FAM53B: variants seen among roughly 807,000 people sequenced by gnomAD.
FAM53B encodes the protein protein FAM53B.
FAM53B carries 12 observed loss-of-function variants against 32.7 expected under a neutral mutation model. That is an observed-to-expected ratio of 0.37 (90% confidence interval 0.24 to 0.59). The LOEUF (loss-of-function observed/expected upper bound fraction) is 0.59. FAM53B is among the 20% of genes least tolerant of loss of function. The pLI, the probability that FAM53B is intolerant of heterozygous loss-of-function variation, is 0.72. For synonymous variants in FAM53B, 234 were observed against 228.7 expected (o/e 1.02, Z -0.21); for missense variants, 477 against 577.7 (o/e 0.83, Z 1.79).
chr10:124,658,788 G>A (rs1949611693), intron 4 of FAM53B, among the ~76,000 whole-genome samples: 1 of 152,176 alleles, frequency 6.6e-6, no homozygotes, highest in Non-Finnish European at 1.5e-5. Flanking sequence ...CCAAGGCCAC[G>A]TTCCCTGCCT....
chr10:124,667,389 T>TG, intron 4 of FAM53B: 1 of 769,118 alleles, frequency 1.3e-6, no homozygotes, highest in Non-Finnish European at 2.4e-6. Context: ...GCCTGTAAAA[T>TG]GGATAACGAT....
intron 1 of FAM53B, among the ~76,000 whole-genome samples, chr10:124,709,611 T>G (rs1589759029): frequency 6.6e-6 from 1 of 152,184 alleles, no homozygotes; most frequent in Non-Finnish European, 1.5e-5. Context: ...CTTTGCACCG[T>G]AAGAGCCCAA....
chr10:124,666,527 C>T (rs1001566216), intron 4 of FAM53B, among the ~76,000 whole-genome samples: 2 of 152,110 alleles, frequency 1.3e-5, no homozygotes, highest in African/African-American at 4.8e-5. Flanking sequence ...TCATGAAATG[C>T]AGGACCACAA....
intron 1 of FAM53B, among the ~76,000 whole-genome samples, chr10:124,728,412 C>T (rs567694319): frequency 5.9e-5 from 9 of 152,352 alleles, no homozygotes; most frequent in African/African-American, 2.2e-4. Context: ...GCCCTGCCCC[C>T]ACCAGGAGAG....
chr10:124,635,259 C>A (rs1380684479), intron 4 of FAM53B, among the ~76,000 whole-genome samples: 2 of 151,962 alleles, frequency 1.3e-5, no homozygotes, highest in Non-Finnish European at 2.9e-5. Flanking sequence ...ACCTGGCTAA[C>A]TTTTTGTATT....
At chr10:124,732,080 A>T (rs377337302) in intron 1 of FAM53B, among the ~76,000 whole-genome samples, 1 of 152,174 alleles carries the variant, frequency 6.6e-6, no homozygotes, top group Admixed American at 6.5e-5. Flanking sequence ...CTAAGACACC[A>T]GTGGCTGTGA....
intron 4 of FAM53B, among the ~76,000 whole-genome samples, chr10:124,626,612 TCTAA>T (rs1343783679): frequency 2.0e-5 from 3 of 152,200 alleles, no homozygotes; most frequent in Admixed American, 6.5e-5. Flanking sequence ...CTTCCCAGCT[TCTAA>T]CTAAGAAATA....
intron 4 of FAM53B, among the ~76,000 whole-genome samples, chr10:124,669,230 C>T (rs1026483707): frequency 6.6e-6 from 1 of 152,226 alleles, no homozygotes; most frequent in Non-Finnish European, 1.5e-5. Flanking sequence ...AGGGATGTAA[C>T]GCGCACTGTC....
intron 4 of FAM53B, among the ~76,000 whole-genome samples, chr10:124,665,748 C>T (rs1949666696): frequency 6.6e-6 from 1 of 152,174 alleles, no homozygotes; most frequent in South Asian, 2.1e-4. Context: ...CTCCAGGAGG[C>T]CAGGGCTAAC....
chr10:124,636,928 G>C (rs1175065782), intron 4 of FAM53B, among the ~76,000 whole-genome samples: 4 of 151,992 alleles, frequency 2.6e-5, no homozygotes, highest in Non-Finnish European at 5.9e-5. Flanking sequence ...GGTGCAGCTA[G>C]ACTTCCTCTC....
chr10:124,630,550 AG>A (rs1949384289), intron 4 of FAM53B, among the ~76,000 whole-genome samples: 2 of 152,258 alleles, frequency 1.3e-5, no homozygotes, highest in African/African-American at 4.8e-5. Flanking sequence ...CAACACTGGC[AG>A]CAAAACCCAG....
intron 1 of FAM53B, among the ~76,000 whole-genome samples, chr10:124,742,102 C>T (rs2134108010): frequency 6.6e-6 from 1 of 152,320 alleles, no homozygotes; most frequent in Non-Finnish European, 1.5e-5. Context: ...GAAAAAAATA[C>T]AGGCCTTCCC....
chr10:124,635,356 G>A (rs1349869476), intron 4 of FAM53B, among the ~76,000 whole-genome samples: 2 of 152,150 alleles, frequency 1.3e-5, no homozygotes, highest in Non-Finnish European at 2.9e-5. Flanking sequence ...CAAAGTGCTG[G>A]GATTACAGGT....
chr10:124,674,319 C>G (rs905472809), intron 4 of FAM53B, among the ~76,000 whole-genome samples: 2 of 152,128 alleles, frequency 1.3e-5, no homozygotes, highest in Non-Finnish European at 2.9e-5. Context: ...AAGTGTGACT[C>G]CCAATATGGC....
At position 124,642,806 on chromosome 10, in the gene FAM53B, C is replaced by T. The variant is rs916518007; in HGVS notation, c.907-19202G>A. Among the ~76,000 whole-genome samples the T allele has an allele frequency of 4.6e-5, 7 of 152,202 alleles. 1 individual carries two copies. The highest frequency in any genetic ancestry group is 9.6e-5 in the African/African-American group (4 of 41,454). On this transcript the variant is annotated intron_variant, in intron 4 of 4. Coordinates refer to ENST00000337318, the MANE Select transcript of FAM53B (RefSeq NM_014661.4). ...ATAACTGTTCCTGCAGGGTGGAGGT[C>T]GGTCTAGGAGAAACCTCTTGAAGCT...
intron 1 of FAM53B, chr10:124,713,403 AAC>A (rs1950018483): frequency 6.6e-6 from 1 of 152,212 alleles, no homozygotes; most frequent in Admixed American, 6.5e-5. Context: ...AGGCCTTGCT[AAC>A]ATGAAATTTT....
rs1361447127 is a variant in FAM53B, at chr10:124,744,322, G to C, written c.-484C>G. On this transcript the variant is annotated 5_prime_UTR_variant, in exon 1 of 5. Coordinates refer to ENST00000337318, the MANE Select transcript of FAM53B (RefSeq NM_014661.4). ...GTCGCGGGCCCGGGCGCTAGGCGCG[G>C]CGGCGGCGTGCAGGAGGCAGGCGGC... 1 of 148,132 alleles carries C rather than the reference G, an allele frequency of 6.8e-6. No individual in the cohort carries two copies. Among genetic ancestry groups the C allele is most frequent in the African/African-American group, 2.4e-5 (1 of 40,900 alleles). 9.2% of individuals were successfully genotyped at this position (148,132 alleles called of 1,614,324 possible).
chr10:124,641,131 G>C (rs757022165), intron 4 of FAM53B, among the ~76,000 whole-genome samples: 1 of 152,190 alleles, frequency 6.6e-6, no homozygotes, highest in South Asian at 2.1e-4. Context: ...CCAGAGTCCC[G>C]GGCAGCCTCC....
chr10:124,716,648 G>A (rs1950040204), intron 1 of FAM53B, among the ~76,000 whole-genome samples: 1 of 152,152 alleles, frequency 6.6e-6, no homozygotes, highest in Non-Finnish European at 1.5e-5. Context: ...TGATGGACGA[G>A]CTTCCTATAG....
Sources: allele counts gnomAD v4.1 joint callset (sites outside exome capture counted in the v4.1 genomes callset), GRCh38; gene constraint gnomAD v4.1.1; transcripts MANE v1.5; gene names NCBI Gene and HGNC (gene_info 2026-07-23, HGNC 2026-07-21).